The following ASTN2 variants were observed in gnomAD, a reference collection of about 807,000 sequenced individuals.
The protein encoded by ASTN2 is astrotactin-2.
Under a neutral mutation model 139.8 loss-of-function variants are expected in ASTN2, and 54 were observed. The ratio of observed to expected loss-of-function variants is 0.39; its 90% CI spans 0.31 to 0.48. The LOEUF is 0.48. Among genes scored for constraint, ASTN2 ranks in the 20% least tolerant of loss-of-function variants. The probability of loss-of-function intolerance (pLI) is 0.95; values close to 1 mark genes in which losing one functional copy is unlikely to be tolerated. For synonymous variants in ASTN2, 756 were observed against 719.5 expected (o/e 1.05, Z -0.81); for missense variants, 1,565 against 1,725.1 (o/e 0.91, Z 1.64).
At chr9:116,766,783 T>C (rs931938736) in intron 13 of ASTN2, among the ~76,000 whole-genome samples, 4 of 151,714 alleles carry the variant, frequency 2.6e-5, no homozygotes, top group Admixed American at 2.0e-4. Context: ...CATATTCATA[T>C]ACATCTAAAC....
At chr9:116,751,458 C>A (rs1829400793) in intron 13 of ASTN2, among the ~76,000 whole-genome samples, 2 of 152,132 alleles carry the variant, frequency 1.3e-5, no homozygotes, top group Non-Finnish European at 1.5e-5. Flanking sequence ...ACCAGTGTTG[C>A]TGAATTGTTG....
At chr9:116,462,457 T>A (rs1030349118) in intron 20 of ASTN2, among the ~76,000 whole-genome samples, 2 of 152,136 alleles carry the variant, frequency 1.3e-5, no homozygotes, top group East Asian at 1.9e-4. Context: ...TCTTAATCCA[T>A]GCCATGCAAT....
chr9:117,187,212 T>C (rs533659091), intron 3 of ASTN2, among the ~76,000 whole-genome samples: 1 of 152,304 alleles, frequency 6.6e-6, no homozygotes, highest in East Asian at 1.9e-4. Context: ...TACATTGTTT[T>C]ATTTTTTATT....
chr9:116,695,928 G>A (rs1365871184), intron 16 of ASTN2, among the ~76,000 whole-genome samples: 1 of 152,044 alleles, frequency 6.6e-6, no homozygotes, highest in East Asian at 1.9e-4. Context: ...TGAGTCTTTG[G>A]CTATCTCTGC....
intron 2 of ASTN2, among the ~76,000 whole-genome samples, chr9:117,240,281 T>G (rs1328949678): frequency 6.6e-6 from 1 of 152,146 alleles, no homozygotes; most frequent in East Asian, 1.9e-4. Flanking sequence ...TGTGACACTC[T>G]TGGTAAGTGG....
chr9:116,433,772 A>T (rs1379830938), intron 22 of ASTN2, among the ~76,000 whole-genome samples: 1 of 152,230 alleles, frequency 6.6e-6, no homozygotes, highest in African/African-American at 2.4e-5. Flanking sequence ...CAACAAAGTC[A>T]GAAGCTCAGA....
At chr9:117,041,274 T>G (rs1838561904) in intron 5 of ASTN2, among the ~76,000 whole-genome samples, 1 of 152,090 alleles carries the variant, frequency 6.6e-6, no homozygotes, top group African/African-American at 2.4e-5. Flanking sequence ...ACTGCTAGGC[T>G]CTTCTTTTAA....
At chr9:117,316,537 G>A (rs1828149917) in intron 1 of ASTN2, among the ~76,000 whole-genome samples, 1 of 152,132 alleles carries the variant, frequency 6.6e-6, no homozygotes, top group Admixed American at 6.6e-5. Context: ...TCTTGACCAT[G>A]GTACTATATA....
Position 116,773,388 on chromosome 9 carries a change from C to T in ASTN2, c.2396+32244G>A, listed in dbSNP as rs141928637. On this transcript the variant is annotated intron_variant, in intron 13 of 22. Coordinates refer to ENST00000313400, the MANE Select transcript of ASTN2 (RefSeq NM_001365068.1). ...TTTATATTCCTGCCAAGGTCTTGAC[C>T]GAGAGGTCTGTGGATTCTAAGAAGG... is the stretch of plus-strand genomic sequence containing the variant. Among the ~76,000 whole-genome samples the T allele has an allele frequency of 3.0e-3, 455 of 152,132 alleles. 2 individuals carry two copies. Among genetic ancestry groups the T allele is most frequent in the African/African-American group, 0.01 (421 of 41,494 alleles).
chr9:116,819,156 T>C (rs1464239042), intron 12 of ASTN2, among the ~76,000 whole-genome samples: 1 of 152,128 alleles, frequency 6.6e-6, no homozygotes, highest in African/African-American at 2.4e-5. Flanking sequence ...GATGTCAAAA[T>C]CCATTATTGC....
At chr9:117,029,099 C>T (rs1838177865) in intron 6 of ASTN2, among the ~76,000 whole-genome samples, 1 of 152,174 alleles carries the variant, frequency 6.6e-6, no homozygotes, top group South Asian at 2.1e-4. Context: ...CTGTGTAACA[C>T]TAAGATGGTC....
At chr9:116,564,123 T>G (rs945979914) in intron 19 of ASTN2, among the ~76,000 whole-genome samples, 2 of 152,190 alleles carry the variant, frequency 1.3e-5, no homozygotes, top group African/African-American at 4.8e-5. Context: ...GTGCCACACA[T>G]CAAATAAGTA....
At chr9:116,520,402 C>T (rs1174578865) in intron 19 of ASTN2, among the ~76,000 whole-genome samples, 5 of 152,034 alleles carry the variant, frequency 3.3e-5, no homozygotes, top group Admixed American at 2.6e-4. Flanking sequence ...ACAAAAATCA[C>T]GTGATCATCT....
chr9:116,946,794 C>T (rs2132478509), intron 10 of ASTN2, among the ~76,000 whole-genome samples: 1 of 152,040 alleles, frequency 6.6e-6, no homozygotes, highest in African/African-American at 2.4e-5. Context: ...GTGGTAAGTG[C>T]TCCAGGATCT....
Position 116,790,929 on chromosome 9 carries a change from TGAAAGAAA to T in ASTN2, c.2396+14695_2396+14702del, listed in dbSNP as rs758357999. ...AAAGAAAGAGAAAGAAAGGAAGGAA[TGAAAGAAA>T]GAAAGAAAGAAAGAAAGAAAAGAAA... is the stretch of plus-strand genomic sequence containing the variant. On this transcript the variant is annotated intron_variant, in intron 13 of 22. Transcript: ENST00000313400. 3.9e-3 allele frequency among the ~76,000 whole-genome samples: 356 copies of T among 91,766 alleles called. 4 individuals are homozygous for T. The highest frequency in any genetic ancestry group is 0.026 in the Middle Eastern group (4 of 152). The allele number at this position is 91,766 out of a possible 152,430, so 60.2% of individuals were successfully genotyped here. A position where few individuals can be genotyped will look rare whatever the true frequency, so the allele number is the denominator to read the frequency against.
chr9:116,845,991 A>G (rs1452929560), intron 11 of ASTN2, among the ~76,000 whole-genome samples: 1 of 152,230 alleles, frequency 6.6e-6, no homozygotes, highest in Non-Finnish European at 1.5e-5. Context: ...TGACAGATAC[A>G]TATACACACA....
chr9:117,150,694 G>C (rs1221212579), intron 3 of ASTN2, among the ~76,000 whole-genome samples: 2 of 152,144 alleles, frequency 1.3e-5, no homozygotes, highest in South Asian at 4.1e-4. Context: ...GTCTGATACA[G>C]AGTAAGCACA....
intron 13 of ASTN2, among the ~76,000 whole-genome samples, chr9:116,743,975 G>A (rs940974653): frequency 2.6e-4 from 39 of 152,128 alleles, no homozygotes; most frequent in African/African-American, 8.4e-4. Flanking sequence ...AAGTTTCATC[G>A]GGAAAGTTCA....
intron 22 of ASTN2, among the ~76,000 whole-genome samples, chr9:116,439,860 C>T (rs1847789389): frequency 6.6e-6 from 1 of 152,204 alleles, no homozygotes; most frequent in Admixed American, 6.5e-5. Flanking sequence ...TCCTGCTCTA[C>T]ATAACTGCCT....
Sources: allele counts gnomAD v4.1 joint callset (sites outside exome capture counted in the v4.1 genomes callset), GRCh38; gene constraint gnomAD v4.1.1; transcripts MANE v1.5; gene names NCBI Gene and HGNC (gene_info 2026-07-23, HGNC 2026-07-21).